MAGI1: variants seen among roughly 807,000 people sequenced by gnomAD.
The protein encoded by MAGI1 is membrane-associated guanylate kinase, WW and PDZ domain-containing protein 1.
A neutral mutation model predicts 139.9 loss-of-function variants in MAGI1; 58 were observed. That is an observed-to-expected ratio of 0.41 (90% CI 0.34 to 0.52). The LOEUF (loss-of-function observed/expected upper bound fraction) is 0.52. Among genes scored for constraint, MAGI1 ranks in the 20% least tolerant of loss-of-function variants. MAGI1 has a pLI of 0.12. For synonymous variants in MAGI1, 812 were observed against 737.9 expected (o/e 1.10, Z -1.63); for missense variants, 1,874 against 1,901.6 (o/e 0.99, Z 0.27).
intron 1 of MAGI1, among the ~76,000 whole-genome samples, chr3:65,960,291 A>C (rs2064359317): frequency 6.6e-6 from 1 of 152,110 alleles, no homozygotes; most frequent in South Asian, 2.1e-4. Flanking sequence ...GAAAAGCTTG[A>C]CTAGATAAGA....
At chr3:65,419,235 C>CACACACACACACACAT (rs1248962331) in intron 12 of MAGI1, among the ~76,000 whole-genome samples, 2 of 151,974 alleles carry the variant, frequency 1.3e-5, no homozygotes, top group African/African-American at 4.8e-5. Flanking sequence ...CACACACACA[C>CACACACACACACACAT]ACACACACAC....
At chr3:65,600,631 T>C (rs1211786617) in intron 2 of MAGI1, among the ~76,000 whole-genome samples, 3 of 61,244 alleles carry the variant, frequency 4.9e-5, no homozygotes, top group Admixed American at 4.4e-4. Flanking sequence ...GCCAGCTTCA[T>C]GGGCGCCTGG....
At chr3:65,902,965 A>G (rs748243502) in intron 1 of MAGI1, among the ~76,000 whole-genome samples, 6 of 152,342 alleles carry the variant, frequency 3.9e-5, no homozygotes, top group Non-Finnish European at 8.8e-5. Flanking sequence ...AGTAAAAATC[A>G]GCAGGGGTTC....
At chr3:65,918,097 G>C (rs72905082) in intron 1 of MAGI1, among the ~76,000 whole-genome samples, 8 of 151,858 alleles carry the variant, frequency 5.3e-5, no homozygotes, top group African/African-American at 1.9e-4. Context: ...CTCTAACGAA[G>C]TCTATTGTTT....
chr3:66,035,398 A>C (rs2068860345), intron 1 of MAGI1, among the ~76,000 whole-genome samples: 1 of 152,218 alleles, frequency 6.6e-6, no homozygotes, highest in South Asian at 2.1e-4. Flanking sequence ...ACCATATACC[A>C]AGTATGAGCC....
intron 1 of MAGI1, among the ~76,000 whole-genome samples, chr3:65,845,338 G>A (rs1575683249): frequency 6.6e-6 from 1 of 152,062 alleles, no homozygotes; most frequent in East Asian, 1.9e-4. Flanking sequence ...TTAACATGAT[G>A]GGCCCCTGGA....
chr3:65,744,223 G>C (rs1417842844), intron 1 of MAGI1, among the ~76,000 whole-genome samples: 1 of 152,114 alleles, frequency 6.6e-6, no homozygotes, highest in Non-Finnish European at 1.5e-5. Flanking sequence ...AGAACTAAAT[G>C]CCCCATATCA....
chr3:65,665,416 G>GA (rs369969332), intron 1 of MAGI1, among the ~76,000 whole-genome samples: 243 of 152,090 alleles, frequency 1.6e-3, no homozygotes, highest in African/African-American at 5.3e-3. Context: ...AGAAAAATTT[G>GA]AAAAAACATA....
chr3:65,901,574 C>T lies in MAGI1; in HGVS notation c.313+136422G>A, dbSNP rs77549001. Among the ~76,000 whole-genome samples the T allele has an allele frequency of 2.1e-3, 325 of 152,308 alleles. 1 individual carries two copies. The East Asian group carries it at 0.025, about 11-fold the overall frequency. On this transcript the variant is annotated intron_variant, in intron 1 of 22. Coordinates refer to ENST00000402939, the MANE Select transcript of MAGI1 (RefSeq NM_001033057.2). Reference sequence around the variant, plus strand: ...TTCTCTCACTTGTGGCTTGCTATCGCTGTGGAAAATAAAGAACTGCAACGG... The same window carrying T: ...TTCTCTCACTTGTGGCTTGCTATCGTTGTGGAAAATAAAGAACTGCAACGG...
At chr3:65,536,918 C>CAATCTGT (rs2078984631) in intron 2 of MAGI1, among the ~76,000 whole-genome samples, 1 of 152,088 alleles carries the variant, frequency 6.6e-6, no homozygotes, top group South Asian at 2.1e-4. Context: ...GGTTTGGGTA[C>CAATCTGT]CCAGAGCCAG....
rs1943902295 is a variant in MAGI1 at position 65,391,244 on chromosome 3, G to T, written c.2314C>A (p.Pro772Thr). 1 of 1,614,068 alleles carries T rather than the reference G, an allele frequency of 6.2e-7. No individual in the cohort carries two copies. Among genetic ancestry groups the T allele is most frequent in the African/African-American group, 1.3e-5 (1 of 74,918 alleles). Reference sequence around the variant, plus strand: ...TGATCTGGAGCTTGGGCCTCTGCAGGTGGGAACTCGGGGAGCACCTGTGTG... The same window carrying T: ...TGATCTGGAGCTTGGGCCTCTGCAGTTGGGAACTCGGGGAGCACCTGTGTG... The part of the protein sequence containing the change: ...HSTQVLPEFP[P>T]AEAQAPDQTD... The change falls in exon 14 of 23, where the codon CCT (proline) becomes ACT (threonine). Residue 772 changes from proline (P) to threonine (T), a missense_variant. Pro to Thr is a conservative substitution (Grantham distance 38). Transcript: ENST00000402939.
intron 2 of MAGI1, among the ~76,000 whole-genome samples, chr3:65,503,062 T>C (rs1224989669): frequency 1.3e-5 from 2 of 152,058 alleles, no homozygotes; most frequent in African/African-American, 4.8e-5. Context: ...CACACACACA[T>C]ACACTGCCCC....
chr3:65,598,802 C>T (rs1363011415), intron 2 of MAGI1, among the ~76,000 whole-genome samples: 2 of 152,124 alleles, frequency 1.3e-5, no homozygotes, highest in Admixed American at 6.5e-5. Context: ...CTCTAAGAGC[C>T]GGCGGTATCA....
chr3:65,860,734 G>A (rs567104636), intron 1 of MAGI1, among the ~76,000 whole-genome samples: 6 of 152,268 alleles, frequency 3.9e-5, no homozygotes, highest in East Asian at 3.9e-4. Flanking sequence ...GTAGGTTCAC[G>A]GTGAGGAATA....
At chr3:65,431,006 T>C in intron 10 of MAGI1, 125 bp from the exon 11 acceptor site, 1 of 876,764 alleles carries the variant, frequency 1.1e-6, no homozygotes, top group South Asian at 1.8e-5. Context: ...GCATATAGCA[T>C]CTTAAGAAAG....
intron 1 of MAGI1, among the ~76,000 whole-genome samples, chr3:65,841,549 T>A (rs1223461810): frequency 3.3e-5 from 5 of 151,812 alleles, no homozygotes; most frequent in African/African-American, 1.2e-4. Context: ...TGCCTCAGCC[T>A]CCCAAGTAGC....
At chr3:65,873,310 G>A in intron 1 of MAGI1, 1 of 152,212 alleles carries the variant, frequency 6.6e-6, no homozygotes, top group East Asian at 1.9e-4. Flanking sequence ...AAGCTCTCAG[G>A]CCTGCAGAGG....
At chr3:65,617,775 AAAG>A (rs537130295) in intron 2 of MAGI1, among the ~76,000 whole-genome samples, 93 of 152,370 alleles carry the variant, frequency 6.1e-4, no homozygotes, top group African/African-American at 2.1e-3. Context: ...GAAAAAAATA[AAAG>A]AAGAAAAAGA....
chr3:65,643,113 G>A (rs1342431277), intron 1 of MAGI1, among the ~76,000 whole-genome samples: 1 of 152,224 alleles, frequency 6.6e-6, no homozygotes, highest in African/African-American at 2.4e-5. Flanking sequence ...GTAGCACCAT[G>A]TGACTTTCTG....
Sources: allele counts gnomAD v4.1 joint callset (sites outside exome capture counted in the v4.1 genomes callset), GRCh38; gene constraint gnomAD v4.1.1; transcripts MANE v1.5; gene names NCBI Gene and HGNC (gene_info 2026-07-23, HGNC 2026-07-21).